The following PAPPA2 variants were observed in gnomAD, a reference collection of about 807,000 sequenced individuals.
The protein encoded by PAPPA2 is pappalysin-2.
A neutral mutation model predicts 176.4 loss-of-function variants in PAPPA2; 86 were observed. The ratio of observed to expected loss-of-function variants is 0.49; its 90% CI spans 0.41 to 0.58. PAPPA2 has a LOEUF of 0.58. Ranked by LOEUF, PAPPA2 falls within the 20% of genes least tolerant of loss-of-function variation. The pLI is 0.00. For synonymous variants in PAPPA2, 809 were observed against 852.2 expected, an observed-to-expected ratio of 0.95 and a Z score of 0.88; for missense variants, 2,073 against 2,256.9, an observed-to-expected ratio of 0.92 and a Z score of 1.65.
rs534009033 is a variant in PAPPA2, at chr1:176,702,645, T to A, written c.3275T>A (p.Leu1092Gln). The change falls in exon 9 of 23, where the codon CTA becomes CAA. Residue 1092 changes from leucine to glutamine, a missense_variant. Around this residue, in one of 4 missense-constraint regions of PAPPA2, gnomAD observed 846 missense variants for 857.9 expected, o/e 0.99. Coordinates refer to ENST00000367662, the MANE Select transcript of PAPPA2 (RefSeq NM_020318.3). ...TPGQMYQYQVLAEAGGELGEA... is the reference protein window; with the variant it reads ...TPGQMYQYQVQAEAGGELGEA... The stretch of plus-strand genomic sequence containing the variant: ...GGACAGATGTATCAGTACCAAGTTC[T>A]AGCTGAAGCTGGAGGAGAACTGGGA... 6.2e-7 allele frequency: 1 copy of A among 1,614,118 alleles called. No individual in the cohort carries two copies. The highest frequency in any genetic ancestry group is 1.1e-5 in the South Asian group (1 of 91,084).
chr1:176,810,604 T>C (rs1299231203), intron 21 of PAPPA2, among the ~76,000 whole-genome samples: 1 of 152,218 alleles, frequency 6.6e-6, no homozygotes, highest in Non-Finnish European at 1.5e-5. Context: ...CACCTCCTGC[T>C]GTGTGGCCCG....
In PAPPA2 at chr1:176,560,236, C is replaced by T. The variant is rs553538435; in HGVS notation, c.919+2995C>T. On this transcript the variant is annotated intron_variant, in intron 2 of 22. Transcript: ENST00000367662. ...GGGTTGTGACTAACTTGCACTTTAG[C>T]AACTAGTAAAGAAAAGAAAATCAAC... Among the ~76,000 whole-genome samples the T allele has an allele frequency of 4.6e-5, 7 of 152,308 alleles. No homozygotes were observed. In the South Asian group the frequency reaches 1.2e-3, roughly 27 times the overall value.
At chr1:176,755,950 T>C (rs182009418) in intron 14 of PAPPA2, among the ~76,000 whole-genome samples, 4 of 152,290 alleles carry the variant, frequency 2.6e-5, no homozygotes, top group African/African-American at 9.6e-5. Context: ...GAAGACAAAA[T>C]ATATTTACAA....
intron 5 of PAPPA2, chr1:176,690,930 AAT>A: frequency 1.0e-6 from 1 of 980,912 alleles, no homozygotes; most frequent in Non-Finnish European, 1.2e-6. Context: ...AAAAAAAAAA[AAT>A]CAGATTCTCT....
At chr1:176,738,473 AT>A (rs1662521303) in intron 12 of PAPPA2, among the ~76,000 whole-genome samples, 1 of 152,062 alleles carries the variant, frequency 6.6e-6, no homozygotes, top group Admixed American at 6.6e-5. Flanking sequence ...AAATGAAAAC[AT>A]GTTTTACTCT....
At chr1:176,532,719 GC>G (rs1392763955) in intron 1 of PAPPA2, among the ~76,000 whole-genome samples, 1 of 152,166 alleles carries the variant, frequency 6.6e-6, no homozygotes, top group Non-Finnish European at 1.5e-5. Flanking sequence ...GATTCTGGCT[GC>G]TTCCAGGCAT....
chr1:176,757,216 A>G lies in PAPPA2; in HGVS notation c.4152-8450A>G, dbSNP rs539132590. Among the ~76,000 whole-genome samples, 79 of 152,352 alleles carry G rather than the reference A, an allele frequency of 5.2e-4. 3 individuals are homozygous for G. In the South Asian group the frequency reaches 0.016, roughly 30 times the overall value. The stretch of plus-strand genomic sequence containing the variant: ...GCATGATTTATAATCCTTTGGGTAT[A>G]TACTCAGTAGTGGGATTGCTGGGTC... On this transcript the variant is annotated intron_variant, in intron 14 of 22. Transcript: ENST00000367662.
At chr1:176,823,611 A>C (rs1036258682) in intron 21 of PAPPA2, among the ~76,000 whole-genome samples, 2 of 152,192 alleles carry the variant, frequency 1.3e-5, no homozygotes, top group Admixed American at 1.3e-4. Flanking sequence ...CATTTCTTCC[A>C]TCTTATTACT....
chr1:176,623,610 C>T (rs917231430), intron 3 of PAPPA2, among the ~76,000 whole-genome samples: 1,037 of 94,806 alleles, frequency 0.011, 5 homozygotes, highest in African/African-American at 0.029. Flanking sequence ...TTCCTTCCTT[C>T]CTTCCTTCCT....
At chr1:176,817,928 G>A (rs115897575) in intron 21 of PAPPA2, among the ~76,000 whole-genome samples, 17 of 152,066 alleles carry the variant, frequency 1.1e-4, no homozygotes, top group East Asian at 5.8e-4. Flanking sequence ...ATGAGGTCAC[G>A]CAGGAGTGTG....
chr1:176,513,807 G>T (rs943956105), intron 1 of PAPPA2, among the ~76,000 whole-genome samples: 20 of 152,026 alleles, frequency 1.3e-4, no homozygotes, highest in Non-Finnish European at 2.9e-5. Flanking sequence ...TTGAATCTTG[G>T]TGGAAGCTCA....
Position 176,730,056 on chromosome 1 carries a change from G to A in PAPPA2, c.3799-9570G>A, listed in dbSNP as rs141158493. ...TAAACGTATTGTTGGATTTTATTGG[G>A]TAATCTTTTATTTTTGACTTTTGCA... On this transcript the variant is annotated intron_variant, in intron 12 of 22. Transcript: ENST00000367662. Among the ~76,000 whole-genome samples, 1,295 of 151,746 alleles carry A rather than the reference G, an allele frequency of 8.5e-3. 24 individuals carry two copies. The highest frequency in any genetic ancestry group is 0.028 in the African/African-American group (1,180 of 41,408).
chr1:176,840,891 G>T (rs1203489367), intron 22 of PAPPA2, among the ~76,000 whole-genome samples: 1 of 152,196 alleles, frequency 6.6e-6, no homozygotes, highest in Non-Finnish European at 1.5e-5. Context: ...CTTGAAGCTA[G>T]TTGGGTCAAT....
chr1:176,786,666 G>C (rs1664946572), intron 17 of PAPPA2, among the ~76,000 whole-genome samples: 1 of 152,212 alleles, frequency 6.6e-6, no homozygotes, highest in South Asian at 2.1e-4. Flanking sequence ...GGAACAGTCA[G>C]AGCCTGACGT....
rs553297790 is a variant in PAPPA2, at chr1:176,606,672, C to T, written c.1991+11077C>T. ...TAGAGATGGGGTTTCACCATATTGA[C>T]CAGGCTGGTCTTGAAATTCTGACCT... On this transcript the variant is annotated intron_variant, in intron 3 of 22. Transcript: ENST00000367662. Among the ~76,000 whole-genome samples, 19 of 152,054 alleles carry T rather than the reference C, an allele frequency of 1.2e-4. No homozygotes were observed. The South Asian group carries it at 1.9e-3, about 15-fold the overall frequency.
At chr1:176,484,393 A>G (rs1652556288) in intron 1 of PAPPA2, among the ~76,000 whole-genome samples, 1 of 152,182 alleles carries the variant, frequency 6.6e-6, no homozygotes, top group Non-Finnish European at 1.5e-5. Flanking sequence ...AATGTGTGAC[A>G]CTAATTTTGG....
chr1:176,778,688 A>C (rs1328602062), intron 17 of PAPPA2, among the ~76,000 whole-genome samples: 1 of 152,222 alleles, frequency 6.6e-6, no homozygotes, highest in East Asian at 1.9e-4. Flanking sequence ...AAACCTATAC[A>C]CTTATATACA....
intron 2 of PAPPA2, among the ~76,000 whole-genome samples, chr1:176,587,830 C>A (rs979154113): frequency 1.3e-5 from 2 of 152,210 alleles, no homozygotes; most frequent in Non-Finnish European, 2.9e-5. Flanking sequence ...ACCAACATGG[C>A]ACACGTATAC....
chr1:176,764,799 T>A (rs1663873740), intron 14 of PAPPA2, among the ~76,000 whole-genome samples: 1 of 152,164 alleles, frequency 6.6e-6, no homozygotes, highest in Non-Finnish European at 1.5e-5. Context: ...GGTTTCACCG[T>A]GTTAGCCAGG....
Sources: gnomAD v4.1 joint callset for allele counts (sites outside exome capture counted in the v4.1 genomes callset) on GRCh38, gnomAD v4.1.1 for gene constraint, gnomAD v4.1.1 regional missense constraint, MANE v1.5 for transcripts, NCBI Gene and HGNC (gene_info 2026-07-23, HGNC 2026-07-21) for gene names.